The following AGAP1 variants were observed in gnomAD, a reference collection of about 807,000 sequenced individuals.
AGAP1 encodes ArfGAP with GTPase domain, ankyrin repeat and PH domain 1.
A neutral mutation model predicts 105.3 loss-of-function variants in AGAP1; 29 were observed. That is an observed-to-expected ratio of 0.28 (90% confidence interval 0.21 to 0.38). The LOEUF is 0.38. AGAP1 is among the 10% of genes least tolerant of loss of function. The pLI is 1.00. For synonymous variants in AGAP1, 509 were observed against 485.9 expected, an observed-to-expected ratio of 1.05 and a Z score of -0.63; for missense variants, 998 against 1,165.1, an observed-to-expected ratio of 0.86 and a Z score of 2.09.
intron 6 of AGAP1, among the ~76,000 whole-genome samples, chr2:235,760,512 G>T (rs1448729355): frequency 6.6e-6 from 1 of 152,232 alleles, no homozygotes; most frequent in Non-Finnish European, 1.5e-5. Flanking sequence ...AAGTGTTTTT[G>T]AATATTATTT....
At chr2:235,899,968 TCTG>T in intron 10 of AGAP1, among the ~76,000 whole-genome samples, 1 of 152,360 alleles carries the variant, frequency 6.6e-6, no homozygotes, top group Non-Finnish European at 1.5e-5. Flanking sequence ...TTTAGAATTT[TCTG>T]CTTTTTGATT....
intron 12 of AGAP1, among the ~76,000 whole-genome samples, chr2:235,946,935 A>G (rs1368611896): frequency 2.0e-5 from 3 of 152,092 alleles, no homozygotes; most frequent in East Asian, 1.9e-4. Flanking sequence ...AAACGTGCCC[A>G]TGTCCTTCTT....
chr2:235,813,451 C>T (rs1391975721), intron 9 of AGAP1, among the ~76,000 whole-genome samples: 1 of 152,244 alleles, frequency 6.6e-6, no homozygotes, highest in African/African-American at 2.4e-5. Context: ...AGTGTGTCCT[C>T]TGTGTATCCA....
At chr2:235,802,286 C>T (rs1957531521) in intron 8 of AGAP1, among the ~76,000 whole-genome samples, 1 of 152,180 alleles carries the variant, frequency 6.6e-6, no homozygotes, top group African/African-American at 2.4e-5. Context: ...AGAGGCCGGG[C>T]AGGGCAGGTG....
At position 235,968,538 on chromosome 2, in the gene AGAP1, C is replaced by T; in HGVS notation, c.1560C>T (p.Pro520=). 2.3e-6 allele frequency: 2 copies of T among 876,096 alleles called. No individual in the cohort carries two copies. The highest frequency in any genetic ancestry group is 3.4e-6 in the Non-Finnish European group (2 of 588,686). 54.3% of individuals were successfully genotyped at this position (876,096 alleles called of 1,614,324 possible). Reference sequence around the variant, plus strand: ...CCAGCCCCAAGCTCGACCCGCCCCCCTCCCCTCACGCCAACAGAAAGAAGC... The same window carrying T: ...CCAGCCCCAAGCTCGACCCGCCCCCTTCCCCTCACGCCAACAGAAAGAAGC... The part of the protein sequence containing the change: ...STTSPKLDPP[P]SPHANRKKHR... The change falls in exon 13 of 18, where the codon CCC becomes CCT. Residue 520 remains proline (P), a synonymous_variant. Coordinates refer to ENST00000304032, the MANE Select transcript of AGAP1 (RefSeq NM_001037131.3).
intron 9 of AGAP1, among the ~76,000 whole-genome samples, chr2:235,854,078 G>A (rs1488267060): frequency 6.6e-6 from 1 of 152,286 alleles, no homozygotes; most frequent in Non-Finnish European, 1.5e-5. Context: ...CGCCTTATAT[G>A]ACTGGATAAA....
chr2:235,495,392 C>T (rs1354257748), intron 1 of AGAP1, among the ~76,000 whole-genome samples: 4 of 152,226 alleles, frequency 2.6e-5, no homozygotes, highest in Non-Finnish European at 4.4e-5. Flanking sequence ...GCCGCGGGAG[C>T]ATCGTGTCCA....
At chr2:235,524,146 G>A (rs1467108986) in intron 1 of AGAP1, among the ~76,000 whole-genome samples, 3 of 152,164 alleles carry the variant, frequency 2.0e-5, no homozygotes, top group Non-Finnish European at 2.9e-5. Flanking sequence ...TTCTTACCAC[G>A]GGCGTCCGTG....
intron 6 of AGAP1, among the ~76,000 whole-genome samples, chr2:235,794,211 A>G (rs551150425): frequency 6.6e-6 from 1 of 152,280 alleles, no homozygotes; most frequent in East Asian, 1.9e-4. Context: ...GGGGCTAGTT[A>G]GAGGTATCTT....
rs1334871020 is a variant in AGAP1, at chr2:235,609,517, G to A, written c.164-99662G>A. Reference sequence around the variant, plus strand: ...GGAGTGGGGAAGGCAGGCTGGGCGTGCTGTGGTTATAGGCAGCCTACATGT... The same window carrying A: ...GGAGTGGGGAAGGCAGGCTGGGCGTACTGTGGTTATAGGCAGCCTACATGT... On this transcript the variant is annotated intron_variant, in intron 1 of 17. Transcript: ENST00000304032. This position sits in a 1 kb window ranked among gnomAD's most constrained non-coding sequence, Gnocchi z 5.1. 2.0e-5 allele frequency among the ~76,000 whole-genome samples: 3 copies of A among 152,132 alleles called. No homozygotes were observed. Among genetic ancestry groups the A allele is most frequent in the Admixed American group, 6.6e-5 (1 of 15,266 alleles).
At chr2:235,937,439 A>C (rs571596755) in intron 12 of AGAP1, among the ~76,000 whole-genome samples, 1 of 152,124 alleles carries the variant, frequency 6.6e-6, no homozygotes, top group East Asian at 1.9e-4. Context: ...CCTATCAGCT[A>C]TTTTCAGCAG....
At chr2:235,671,264 G>GC (rs1275233854) in intron 1 of AGAP1, among the ~76,000 whole-genome samples, 1 of 152,198 alleles carries the variant, frequency 6.6e-6, no homozygotes, top group African/African-American at 2.4e-5. Context: ...GCGTGCTGGT[G>GC]CCCCTCGGAG....
chr2:236,031,625 A>G (rs1006971263), intron 13 of AGAP1, among the ~76,000 whole-genome samples: 3 of 152,172 alleles, frequency 2.0e-5, no homozygotes, highest in African/African-American at 7.2e-5. Flanking sequence ...AAAGGGCCAC[A>G]TTCAAGGGCC....
Position 236,105,844 on chromosome 2 carries a change from T to C in AGAP1, c.2115-14348T>C, listed in dbSNP as rs1009794266. Among the ~76,000 whole-genome samples, 2 of 152,012 alleles carry C rather than the reference T, an allele frequency of 1.3e-5. No individual in the cohort carries two copies. Among genetic ancestry groups the C allele is most frequent in the African/African-American group, 4.8e-5 (2 of 41,418 alleles). On this transcript the variant is annotated intron_variant, in intron 16 of 17. Transcript: ENST00000304032. This position sits in a 1 kb window ranked among gnomAD's most constrained non-coding sequence, Gnocchi z 4.2. The stretch of plus-strand genomic sequence containing the variant: ...GATCTCCTGACCTCATGATCCACCC[T>C]CCTCGGCCTCCCAAAGTGCTGGGAT...
chr2:235,847,039 C>G (rs1289706702), intron 9 of AGAP1, among the ~76,000 whole-genome samples: 1 of 152,130 alleles, frequency 6.6e-6, no homozygotes, highest in African/African-American at 2.4e-5. Flanking sequence ...GAGCAAAATG[C>G]TAGGAGGGTG....
intron 1 of AGAP1, among the ~76,000 whole-genome samples, chr2:235,703,965 T>C (rs10211668): frequency 0.078 from 11,926 of 152,190 alleles, 1,539 homozygotes; most frequent in African/African-American, 0.27. Flanking sequence ...GTGAGCCACC[T>C]CGCGCCCGAC....
intron 1 of AGAP1, among the ~76,000 whole-genome samples, chr2:235,507,773 G>C (rs528705862): frequency 6.6e-6 from 1 of 152,140 alleles, no homozygotes; most frequent in African/African-American, 2.4e-5. Context: ...CTCGGGACCC[G>C]TGGACACCAG....
intron 9 of AGAP1, among the ~76,000 whole-genome samples, chr2:235,811,396 C>T (rs1191405821): frequency 6.6e-6 from 1 of 152,170 alleles, no homozygotes; most frequent in Non-Finnish European, 1.5e-5. Context: ...CAATTGAAAG[C>T]GTATCATTTT....
chr2:235,627,222 G>T, intron 1 of AGAP1, among the ~76,000 whole-genome samples: 2 of 130,056 alleles, frequency 1.5e-5, no homozygotes, highest in African/African-American at 3.2e-5. Context: ...TTTTTGATAG[G>T]GTCTCTGTTG....
Sources: gnomAD v4.1 joint callset for allele counts (sites outside exome capture counted in the v4.1 genomes callset) on GRCh38, gnomAD v4.1.1 for gene constraint, Gnocchi (gnomAD v3.1) non-coding constraint, MANE v1.5 for transcripts, NCBI Gene and HGNC (gene_info 2026-07-23, HGNC 2026-07-21) for gene names.